The following PCDHGA9 variants were observed in gnomAD, a reference collection of about 807,000 sequenced individuals.
PCDHGA9 encodes the protein protocadherin gamma subfamily A, 9.
In PCDHGA9, 37 loss-of-function variants were observed where a neutral mutation model predicts 62.5. The ratio of observed to expected loss-of-function variants is 0.59; its 90% confidence interval spans 0.46 to 0.78. PCDHGA9 has a LOEUF of 0.78. Ranked by LOEUF, PCDHGA9 falls within the 30% of genes least tolerant of loss-of-function variation. The pLI, the probability that PCDHGA9 is intolerant of heterozygous loss-of-function variation, is 0.00. For synonymous variants in PCDHGA9, 459 were observed against 484.6 expected, an observed-to-expected ratio of 0.95 and a Z score of 0.69; for missense variants, 1,138 against 1,166.2, an observed-to-expected ratio of 0.98 and a Z score of 0.35.
chr5:141,405,177 G>A lies in PCDHGA9; in HGVS notation c.2225G>A (p.Gly742Asp). The change falls in exon 1 of 4, where the codon GGT becomes GAT. Residue 742 changes from glycine (G) to aspartate (D), a missense_variant. Physicochemically the swap from Gly to Asp is moderately conservative, Grantham distance 94. Transcript: ENST00000573521. The stretch of plus-strand genomic sequence containing the variant: ...GGTGTGCCCACCTCACACTTTGTGG[G>A]TGTAGATGGGGTTCGAGCTTTCCTA... ...LAGVPTSHFVGVDGVRAFLQT... is the reference protein window; with the variant it reads ...LAGVPTSHFVDVDGVRAFLQT... The A allele has an allele frequency of 1.9e-6, 3 of 1,614,140 alleles. No homozygotes were observed. The highest frequency in any genetic ancestry group is 1.3e-5 in the African/African-American group (1 of 75,042).
chr5:141,410,780 A>T, intron 1 of PCDHGA9: 1 of 803,810 alleles, frequency 1.2e-6, no homozygotes. Context: ...TTCACTATGT[A>T]TTTGGTTCAT....
intron 1 of PCDHGA9, among the ~76,000 whole-genome samples, chr5:141,458,339 T>A (rs1380637284): frequency 2.0e-5 from 3 of 150,846 alleles, no homozygotes; most frequent in Non-Finnish European, 3.0e-5. Context: ...TTTTAAGGAG[T>A]GGAGAGTTTA....
At position 141,490,979 on chromosome 5, in the gene PCDHGA9, C is replaced by T. The variant is rs1217345302; in HGVS notation, c.2425-3828C>T. 6.2e-7 allele frequency: 1 copy of T among 1,614,086 alleles called. No individual in the cohort carries two copies. The highest frequency in any genetic ancestry group is 8.5e-7 in the Non-Finnish European group (1 of 1,180,014). ...GAACACTCAGCCCCCCAGCGTCTCC[C>T]TCGCTCTGCTCCTCCTGGCTCCTTG... On this transcript the variant is annotated intron_variant, in intron 1 of 3. Transcript: ENST00000573521. This position sits in a 1 kb window ranked among gnomAD's most constrained non-coding sequence, Gnocchi z 5.4.
intron 1 of PCDHGA9, among the ~76,000 whole-genome samples, chr5:141,472,147 G>T (rs2099272889): frequency 6.6e-6 from 1 of 152,112 alleles, no homozygotes; most frequent in South Asian, 2.1e-4. Flanking sequence ...AAAGTTTCAT[G>T]GTTACATAGC....
chr5:141,410,158 G>T (rs755466762), intron 1 of PCDHGA9: 2 of 1,613,516 alleles, frequency 1.2e-6, no homozygotes, highest in Non-Finnish European at 8.5e-7. Context: ...GTGGACAGCC[G>T]CCACTCTCTG....
chr5:141,453,869 G>A (rs887544235), intron 1 of PCDHGA9, among the ~76,000 whole-genome samples: 9 of 152,144 alleles, frequency 5.9e-5, no homozygotes, highest in Non-Finnish European at 1.2e-4. Context: ...TAACAGATGA[G>A]CAAAATAATG....
intron 1 of PCDHGA9, chr5:141,409,747 C>T (rs771456718): frequency 1.2e-6 from 2 of 1,612,994 alleles, no homozygotes; most frequent in East Asian, 2.2e-5. Flanking sequence ...GGGTGGTGTT[C>T]GCGCAGCGCG....
rs1205836590 is a variant in PCDHGA9 at position 141,476,270 on chromosome 5, G to A, written c.2425-18537G>A. The A allele has an allele frequency of 6.2e-7, 1 of 1,614,088 alleles. No individual in the cohort carries two copies. Among genetic ancestry groups the A allele is most frequent in the Admixed American group, 1.7e-5 (1 of 60,026 alleles). Reference sequence around the variant, plus strand: ...GGGTTTCGCTGTGGGCAACGTGGTCGCGAACCTTGGTTTGGATCTCGGTAG... The same window carrying A: ...GGGTTTCGCTGTGGGCAACGTGGTCACGAACCTTGGTTTGGATCTCGGTAG... On this transcript the variant is annotated intron_variant, in intron 1 of 3. Transcript: ENST00000573521. The surrounding 1 kb of genome is among the most constrained non-coding windows in gnomAD (Gnocchi z 7.6).
chr5:141,417,767 T>G lies in PCDHGA9; in HGVS notation c.2424+12391T>G, dbSNP rs1333916865. 1.3e-5 allele frequency: 19 copies of G among 1,442,000 alleles called. No individual in the cohort carries two copies. The South Asian group carries it at 1.8e-4, about 13-fold the overall frequency. 89.3% of individuals were successfully genotyped at this position (1,442,000 alleles called of 1,614,324 possible). ...GATTGCCAGCTCCGAGACCCGGGAC[T>G]CCTCCTGTCCTGGGCCGAATGCTCT... On this transcript the variant is annotated intron_variant, in intron 1 of 3. Coordinates refer to ENST00000573521, the MANE Select transcript of PCDHGA9 (RefSeq NM_018921.3).
At chr5:141,467,693 G>C (rs543886467) in intron 1 of PCDHGA9, among the ~76,000 whole-genome samples, 49 of 152,108 alleles carry the variant, frequency 3.2e-4, no homozygotes, top group African/African-American at 1.1e-3. Flanking sequence ...ACAGGGTCTG[G>C]CTCTGTTGCC....
rs146615755 is a variant in PCDHGA9 at position 141,486,022 on chromosome 5, T to C, written c.2425-8785T>C. The C allele has an allele frequency of 1.2e-6, 2 of 1,614,030 alleles. No homozygotes were observed. Among genetic ancestry groups the C allele is most frequent in the Non-Finnish European group, 1.7e-6 (2 of 1,180,036 alleles). Reference sequence around the variant, plus strand: ...GTAACGTCACCTTTTATTTCAGTGGTCATACCCCTGATCGTGTAAGAAACC... The same window carrying C: ...GTAACGTCACCTTTTATTTCAGTGGCCATACCCCTGATCGTGTAAGAAACC... On this transcript the variant is annotated intron_variant, in intron 1 of 3. Coordinates refer to ENST00000573521, the MANE Select transcript of PCDHGA9 (RefSeq NM_018921.3). The surrounding 1 kb of genome is among the most constrained non-coding windows in gnomAD (Gnocchi z 5.0).
intron 1 of PCDHGA9, chr5:141,427,536 G>T (rs758610182): frequency 1.6e-6 from 1 of 626,396 alleles, no homozygotes; most frequent in Non-Finnish European, 3.0e-6. Context: ...GGAGTACAAC[G>T]TCACCATCAC....
rs1163353349 is a variant in PCDHGA9, at chr5:141,489,426, G to C, written c.2425-5381G>C. 6.2e-7 allele frequency: 1 copy of C among 1,614,012 alleles called. No homozygotes were observed. The highest frequency in any genetic ancestry group is 1.3e-5 in the African/African-American group (1 of 74,922). ...TAAAGATGACAGATCTGTTGAGCCGGCGGCTGCAATTGGGCTCTGAGGAGA... is the reference window on the plus strand; with the variant it reads ...TAAAGATGACAGATCTGTTGAGCCGCCGGCTGCAATTGGGCTCTGAGGAGA... On this transcript the variant is annotated intron_variant, in intron 1 of 3. Transcript: ENST00000573521. The surrounding 1 kb of genome is among the most constrained non-coding windows in gnomAD (Gnocchi z 4.5).
At position 141,409,535 on chromosome 5, in the gene PCDHGA9, A is replaced by G. The variant is rs745624722; in HGVS notation, c.2424+4159A>G. 5 of 1,613,894 alleles carry G rather than the reference A, an allele frequency of 3.1e-6. No homozygotes were observed. The African/African-American group carries it at 4.0e-5, about 13-fold the overall frequency. ...AAGCATCACCTTGTATGTCGCTGAC[A>G]TCAACGACAACGCCCCAGTTTTCGA... On this transcript the variant is annotated intron_variant, in intron 1 of 3. Coordinates refer to ENST00000573521, the MANE Select transcript of PCDHGA9 (RefSeq NM_018921.3).
chr5:141,414,378 C>T lies in PCDHGA9; in HGVS notation c.2424+9002C>T, dbSNP rs958748519. ...ATCTACCATTTAAATTAGAAAAGTC[C>T]ATTGACAGTTATTACAGATTGGTGA... On this transcript the variant is annotated intron_variant, in intron 1 of 3. Coordinates refer to ENST00000573521, the MANE Select transcript of PCDHGA9 (RefSeq NM_018921.3). 3.1e-6 allele frequency: 5 copies of T among 1,613,736 alleles called. No individual in the cohort carries two copies. In the African/African-American group the frequency reaches 5.3e-5, roughly 17 times the overall value.
In PCDHGA9 at chr5:141,477,670, A is replaced by G; in HGVS notation, c.2425-17137A>G. 1 of 1,614,198 alleles carries G rather than the reference A, an allele frequency of 6.2e-7. No individual in the cohort carries two copies. The highest frequency in any genetic ancestry group is 1.7e-5 in the Admixed American group (1 of 60,028). ...TCACAATAAATCGTGACAATGGCAT[A>G]GTGTCATCCTTAGTGCCCCTAGACT... On this transcript the variant is annotated intron_variant, in intron 1 of 3. Coordinates refer to ENST00000573521, the MANE Select transcript of PCDHGA9 (RefSeq NM_018921.3). This position sits in a 1 kb window ranked among gnomAD's most constrained non-coding sequence, Gnocchi z 4.9.
rs748105196 is a variant in PCDHGA9 at position 141,486,849 on chromosome 5, A to G, written c.2425-7958A>G. ...GTTCGTCTATTTGTGCTGGACCTCA[A>G]TGACAATGCTCCAGCTGTGCTCCGT... is the stretch of plus-strand genomic sequence containing the variant. On this transcript the variant is annotated intron_variant, in intron 1 of 3. Coordinates refer to ENST00000573521, the MANE Select transcript of PCDHGA9 (RefSeq NM_018921.3). The surrounding 1 kb of genome is among the most constrained non-coding windows in gnomAD (Gnocchi z 5.0). 4.3e-6 allele frequency: 7 copies of G among 1,614,110 alleles called. No individual in the cohort carries two copies. The highest frequency in any genetic ancestry group is 5.1e-6 in the Non-Finnish European group (6 of 1,180,036).
At chr5:141,479,685 G>C (rs749895405) in intron 1 of PCDHGA9, 2 of 152,130 alleles carry the variant, frequency 1.3e-5, no homozygotes, top group Non-Finnish European at 2.9e-5. Context: ...AGTCTTTTTG[G>C]TGCCTCCAGT....
Position 141,421,726 on chromosome 5 carries a change from T to G in PCDHGA9, c.2424+16350T>G. On this transcript the variant is annotated intron_variant, in intron 1 of 3. Transcript: ENST00000573521. The stretch of plus-strand genomic sequence containing the variant: ...TAGGGATCCAGATGTGGGCGTGAAC[T>G]CCCTCCAGAGCTACCAGCTCAGCCC... 1 of 1,613,928 alleles carries G rather than the reference T, an allele frequency of 6.2e-7. No homozygotes were observed. Among genetic ancestry groups the G allele is most frequent in the Non-Finnish European group, 8.5e-7 (1 of 1,179,852 alleles).
Sources: gnomAD v4.1 joint callset for allele counts (sites outside exome capture counted in the v4.1 genomes callset) on GRCh38, gnomAD v4.1.1 for gene constraint, Gnocchi (gnomAD v3.1) non-coding constraint, MANE v1.5 for transcripts, NCBI Gene and HGNC (gene_info 2026-07-23, HGNC 2026-07-21) for gene names.